TBC1D22A: variants seen among roughly 807,000 people sequenced by gnomAD.
The protein encoded by TBC1D22A is TBC1 domain family member 22A, also known as putative GTPase activator.
A neutral mutation model predicts 60.2 loss-of-function variants in TBC1D22A; 38 were observed. That is an observed-to-expected ratio of 0.63 (90% CI 0.49 to 0.83). TBC1D22A has a LOEUF of 0.83. TBC1D22A is among the 40% of genes least tolerant of loss of function. The pLI, the probability that TBC1D22A is intolerant of heterozygous loss-of-function variation, is 0.00. For synonymous variants in TBC1D22A, 302 were observed against 281.7 expected (o/e 1.07, Z -0.72); for missense variants, 628 against 701.0 (o/e 0.90, Z 1.18).
intron 11 of TBC1D22A, among the ~76,000 whole-genome samples, chr22:47,046,557 GA>G (rs2063039408): frequency 1.3e-5 from 2 of 152,146 alleles, no homozygotes; most frequent in Non-Finnish European, 2.9e-5. Flanking sequence ...AGAAGCCAGG[GA>G]CACAGTGCCA....
intron 8 of TBC1D22A, among the ~76,000 whole-genome samples, chr22:46,942,613 A>G (rs956149629): frequency 6.6e-6 from 1 of 152,166 alleles, no homozygotes; most frequent in Non-Finnish European, 1.5e-5. Context: ...TATACAGCAC[A>G]TGTCAATTAG....
intron 11 of TBC1D22A, among the ~76,000 whole-genome samples, chr22:47,062,679 A>G (rs2063620142): frequency 6.6e-6 from 1 of 152,190 alleles, no homozygotes; most frequent in Non-Finnish European, 1.5e-5. Flanking sequence ...GGTCGACCTT[A>G]GGAAGTGGGT....
At chr22:46,965,741 G>A (rs531784387) in intron 8 of TBC1D22A, among the ~76,000 whole-genome samples, 8 of 152,336 alleles carry the variant, frequency 5.3e-5, no homozygotes, top group African/African-American at 1.9e-4. Context: ...TCCCGTCCCT[G>A]TGGCCGGTGG....
intron 12 of TBC1D22A, among the ~76,000 whole-genome samples, chr22:47,155,214 G>GA (rs61662246): frequency 0.18 from 25,991 of 145,990 alleles, 2,531 homozygotes; most frequent in African/African-American, 0.25. Flanking sequence ...TCCTTTTTTG[G>GA]AAAAAAAAAA....
intron 11 of TBC1D22A, among the ~76,000 whole-genome samples, chr22:47,105,469 G>T (rs1603273903): frequency 1.3e-5 from 2 of 152,326 alleles, no homozygotes; most frequent in East Asian, 1.9e-4. Flanking sequence ...TCTGCCAGTT[G>T]ATTTTAATGA....
At chr22:46,796,712 T>C (rs743141) in intron 3 of TBC1D22A, among the ~76,000 whole-genome samples, 330 of 48,958 alleles carry the variant, frequency 6.7e-3, no homozygotes, top group African/African-American at 0.025. Flanking sequence ...TGGGGGTCAG[T>C]GGGGCCATGG....
chr22:46,887,818 A>G (rs2068196577), intron 5 of TBC1D22A, among the ~76,000 whole-genome samples: 1 of 152,214 alleles, frequency 6.6e-6, no homozygotes. Context: ...CTATACTTCA[A>G]TAAGCATTTA....
At chr22:46,846,521 G>A (rs2087000399) in intron 4 of TBC1D22A, among the ~76,000 whole-genome samples, 1 of 152,104 alleles carries the variant, frequency 6.6e-6, no homozygotes, top group African/African-American at 2.4e-5. Context: ...TCCCCAATGG[G>A]AATATCATCA....
chr22:47,013,236 C>T (rs1424900729), intron 10 of TBC1D22A, among the ~76,000 whole-genome samples: 1 of 151,782 alleles, frequency 6.6e-6, no homozygotes, highest in Non-Finnish European at 1.5e-5. Context: ...GTGTGTTTAC[C>T]ACCAGGAAGT....
At chr22:47,156,910 A>G (rs1342331886) in intron 12 of TBC1D22A, among the ~76,000 whole-genome samples, 42 of 152,228 alleles carry the variant, frequency 2.8e-4, no homozygotes, top group Non-Finnish European at 4.4e-5. Context: ...CCACAGCCCC[A>G]TGGTCTTCAG....
intron 4 of TBC1D22A, among the ~76,000 whole-genome samples, chr22:46,814,926 T>G (rs1178878549): frequency 6.6e-6 from 1 of 152,174 alleles, no homozygotes; most frequent in Non-Finnish European, 1.5e-5. Context: ...GTGGTGGGAT[T>G]ACAGGTGTGA....
At chr22:46,839,062 G>A (rs1472009776) in intron 4 of TBC1D22A, among the ~76,000 whole-genome samples, 4 of 152,164 alleles carry the variant, frequency 2.6e-5, no homozygotes, top group African/African-American at 7.2e-5. Context: ...AAATAAAATT[G>A]TGTGCAGTTC....
chr22:47,052,567 G>C (rs1363779152), intron 11 of TBC1D22A, among the ~76,000 whole-genome samples: 1 of 152,174 alleles, frequency 6.6e-6, no homozygotes, highest in Non-Finnish European at 1.5e-5. Flanking sequence ...AGCACGGTGT[G>C]CCCAGGCCAT....
chr22:47,096,694 T>C (rs1489833603), intron 11 of TBC1D22A, among the ~76,000 whole-genome samples: 5 of 152,216 alleles, frequency 3.3e-5, no homozygotes, highest in South Asian at 2.1e-4. Context: ...TAGTGGCGCA[T>C]GCCTGTAAGC....
At chr22:46,794,639 G>A (rs2084572709) in intron 3 of TBC1D22A, among the ~76,000 whole-genome samples, 1 of 152,234 alleles carries the variant, frequency 6.6e-6, no homozygotes, top group Non-Finnish European at 1.5e-5. Flanking sequence ...GACAGATGCA[G>A]CACTGCCCAC....
intron 8 of TBC1D22A, among the ~76,000 whole-genome samples, chr22:46,964,623 G>A (rs1050199006): frequency 5.3e-5 from 8 of 152,172 alleles, no homozygotes; most frequent in African/African-American, 1.7e-4. Flanking sequence ...TTTTGGTTTT[G>A]ATACAGTAGC....
At chr22:46,766,831 C>T (rs535214481) in intron 1 of TBC1D22A, among the ~76,000 whole-genome samples, 4 of 152,294 alleles carry the variant, frequency 2.6e-5, no homozygotes, top group South Asian at 2.1e-4. Context: ...CCACCGTGCC[C>T]GGCCCACACC....
At position 46,777,131 on chromosome 22, in the gene TBC1D22A, G is replaced by A. The variant is rs1419027917; in HGVS notation, c.62+14283G>A. On this transcript the variant is annotated intron_variant, in intron 1 of 12. Coordinates refer to ENST00000337137, the MANE Select transcript of TBC1D22A (RefSeq NM_014346.5). This position sits in a 1 kb window ranked among gnomAD's most constrained non-coding sequence, Gnocchi z 4.5. The stretch of plus-strand genomic sequence containing the variant: ...GGGTGGTGTGCTTCAGGGAGGAGAC[G>A]AGGCTGACCCTCCTGTTGGTGGATG... 6.6e-6 allele frequency among the ~76,000 whole-genome samples: 1 copy of A among 152,142 alleles called. No homozygotes were observed. The highest frequency in any genetic ancestry group is 1.5e-5 in the Non-Finnish European group (1 of 68,024).
intron 4 of TBC1D22A, among the ~76,000 whole-genome samples, chr22:46,805,275 C>T (rs757629962): frequency 3.3e-5 from 5 of 152,218 alleles, no homozygotes; most frequent in East Asian, 1.9e-4. Flanking sequence ...TGTTCTTCAG[C>T]GGTGAGTGGG....
Sources: allele counts gnomAD v4.1 joint callset (sites outside exome capture counted in the v4.1 genomes callset), GRCh38; gene constraint gnomAD v4.1.1; non-coding constraint Gnocchi (gnomAD v3.1); transcripts MANE v1.5; gene names NCBI Gene and HGNC (gene_info 2026-07-23, HGNC 2026-07-21).